The following USP14 variants were observed in gnomAD, a reference collection of about 807,000 sequenced individuals.
USP14 encodes ubiquitin specific peptidase 14.
USP14 carries 38 observed loss-of-function variants against 76.5 expected under a neutral mutation model. The observed-to-expected ratio is 0.50, with a 90% CI of 0.38 to 0.65. USP14 has a LOEUF of 0.65. Among genes scored for constraint, USP14 ranks in the 30% least tolerant of loss-of-function variants. The pLI is 0.00. For missense variants in USP14, 467 were observed against 586.5 expected (o/e 0.80, Z 2.10); for synonymous variants, 192 against 191.7 (o/e 1.00, Z -0.01).
chr18:205,681 T>A (rs892492376), intron 13 of USP14, among the ~76,000 whole-genome samples: 1 of 152,122 alleles, frequency 6.6e-6, no homozygotes, highest in African/African-American at 2.4e-5. Context: ...CTTGGGAGGC[T>A]GAGATGAGAG....
At chr18:172,239 AAAAAACG>A (rs1176345101) in intron 3 of USP14, among the ~76,000 whole-genome samples, 2 of 152,150 alleles carry the variant, frequency 1.3e-5, no homozygotes, top group Non-Finnish European at 2.9e-5. Context: ...CCCTGTATCT[AAAAAACG>A]AAAAAGAATA....
intron 4 of USP14, 84 bp downstream of exon 4, chr18:179,121 A>G (rs1232289337): frequency 8.7e-6 from 8 of 922,320 alleles, no homozygotes; most frequent in African/African-American, 1.7e-5. Context: ...TAGCATCTGA[A>G]TGTCTTGAAG....
At chr18:185,758 G>C (rs1022693618) in intron 5 of USP14, among the ~76,000 whole-genome samples, 27 of 151,698 alleles carry the variant, frequency 1.8e-4, no homozygotes, top group African/African-American at 6.1e-4. Context: ...GGAGTGGCAC[G>C]ATCACAGATC....
At chr18:201,615 C>T (rs1457697170) in intron 10 of USP14, among the ~76,000 whole-genome samples, 1 of 152,086 alleles carries the variant, frequency 6.6e-6, no homozygotes, top group East Asian at 1.9e-4. Flanking sequence ...TTCTTAACCC[C>T]CAGGAGCCAA....
intron 3 of USP14, among the ~76,000 whole-genome samples, chr18:167,289 G>C (rs749381492): frequency 2.0e-5 from 3 of 152,142 alleles, no homozygotes; most frequent in African/African-American, 4.8e-5. Context: ...TCCAAAAAAA[G>C]AGTCTTGAAA....
At position 214,372 on chromosome 18, in the gene USP14, T is replaced by TATAA. The variant is rs1229246221; in HGVS notation, c.*3092_*3095dup. Reference sequence around the variant, plus strand: ...CTAAATAGTGCTTATTTAACTTCATTATAAATACATCTACTTAACAAAAAA... The same window carrying TATAA: ...CTAAATAGTGCTTATTTAACTTCATTATAAATAAATACATCTACTTAACAAAAAA... On this transcript the variant is annotated 3_prime_UTR_variant, in exon 16 of 16. Transcript: ENST00000261601. 7 of 385,114 alleles carry TATAA rather than the reference T, an allele frequency of 1.8e-5. No individual in the cohort carries two copies. In the East Asian group the frequency reaches 1.9e-4, roughly 10 times the overall value. 23.9% of individuals were successfully genotyped at this position (385,114 alleles called of 1,614,324 possible).
intron 1 of USP14, among the ~76,000 whole-genome samples, chr18:162,310 C>G (rs947992202): frequency 6.6e-6 from 1 of 152,172 alleles, no homozygotes; most frequent in African/African-American, 2.4e-5. Context: ...TTATTCCCCC[C>G]AGCAGTGTAC....
At chr18:166,321 T>C (rs1909269447) in intron 2 of USP14, among the ~76,000 whole-genome samples, 1 of 152,150 alleles carries the variant, frequency 6.6e-6, no homozygotes, top group South Asian at 2.1e-4. Flanking sequence ...TAGTACCACT[T>C]GTGTTTAAAA....
At chr18:207,395 G>C (rs1451272552) in intron 13 of USP14, among the ~76,000 whole-genome samples, 1 of 145,180 alleles carries the variant, frequency 6.9e-6, no homozygotes, top group Non-Finnish European at 1.6e-5. Context: ...CAATTAAAAA[G>C]TATTACTATC....
chr18:165,108 G>C (rs556719514), intron 2 of USP14, among the ~76,000 whole-genome samples: 1 of 151,982 alleles, frequency 6.6e-6, no homozygotes, highest in South Asian at 2.1e-4. Flanking sequence ...ACCACCATGC[G>C]TGACAAATGT....
intron 1 of USP14, chr18:158,934 T>TG (rs931801033): frequency 3.5e-5 from 20 of 567,790 alleles, no homozygotes; most frequent in African/African-American, 5.9e-5. Context: ...CACCGATGGG[T>TG]GGGGGGAGTG....
At position 211,395 on chromosome 18, in the gene USP14, A is replaced by T. The variant is rs1394475629; in HGVS notation, c.*111A>T. On this transcript the variant is annotated 3_prime_UTR_variant, in exon 16 of 16. Coordinates refer to ENST00000261601, the MANE Select transcript of USP14 (RefSeq NM_005151.4). Reference sequence around the variant, plus strand: ...CATAGGTGGGTTTATGTTTCACCTCATTTGGAACAAAAGAGGACAGAAGCA... The same window carrying T: ...CATAGGTGGGTTTATGTTTCACCTCTTTTGGAACAAAAGAGGACAGAAGCA... 2 of 1,176,218 alleles carry T rather than the reference A, an allele frequency of 1.7e-6. No individual in the cohort carries two copies. Among genetic ancestry groups the T allele is most frequent in the Non-Finnish European group, 2.3e-6 (2 of 854,082 alleles). 72.9% of individuals were successfully genotyped at this position (1,176,218 alleles called of 1,614,324 possible).
chr18:187,216 T>G (rs1400302881), intron 5 of USP14, among the ~76,000 whole-genome samples: 1 of 152,226 alleles, frequency 6.6e-6, no homozygotes, highest in African/African-American at 2.4e-5. Flanking sequence ...TGATACACAT[T>G]GATCTTTTAT....
At chr18:200,826 G>A (rs1272547641) in intron 10 of USP14, among the ~76,000 whole-genome samples, 3 of 151,918 alleles carry the variant, frequency 2.0e-5, no homozygotes, top group Non-Finnish European at 4.4e-5. Flanking sequence ...TTTTGAGACG[G>A]AGTCTCTCTC....
At chr18:160,518 C>T (rs1909087271) in intron 1 of USP14, among the ~76,000 whole-genome samples, 3 of 152,158 alleles carry the variant, frequency 2.0e-5, no homozygotes, top group African/African-American at 7.2e-5. Context: ...GCAAGACCCC[C>T]GTCTCTAAAA....
intron 5 of USP14, among the ~76,000 whole-genome samples, chr18:186,716 C>A (rs975076392): frequency 4.6e-5 from 7 of 151,954 alleles, no homozygotes; most frequent in African/African-American, 1.7e-4. Context: ...TGCACCACTG[C>A]ACTCCAGCCT....
intron 5 of USP14, 51 bp from the exon 6 acceptor site, chr18:192,791 G>A (rs368034676): frequency 8.9e-6 from 14 of 1,566,790 alleles, no homozygotes; most frequent in Non-Finnish European, 1.2e-5. Context: ...TCCCATTTGA[G>A]TGTTAGAATG....
Position 211,392 on chromosome 18 carries a change from C to G in USP14, c.*108C>G. 3 of 1,227,978 alleles carry G rather than the reference C, an allele frequency of 2.4e-6. No homozygotes were observed. The highest frequency in any genetic ancestry group is 2.2e-6 in the Non-Finnish European group (2 of 898,436). The allele number at this position is 1,227,978 out of a possible 1,614,324, so 76.1% of individuals were successfully genotyped here. On this transcript the variant is annotated 3_prime_UTR_variant, in exon 16 of 16. Transcript: ENST00000261601. ...ACACATAGGTGGGTTTATGTTTCAC[C>G]TCATTTGGAACAAAAGAGGACAGAA...
rs190964972 is a variant in USP14 at position 165,756 on chromosome 18, C to T, written c.163-1031C>T. Among the ~76,000 whole-genome samples, 9 of 152,130 alleles carry T rather than the reference C, an allele frequency of 5.9e-5. No individual in the cohort carries two copies. The East Asian group carries it at 1.5e-3, about 26-fold the overall frequency. Reference sequence around the variant, plus strand: ...ACCTTGGGTAAGTGATCTTAGGGGGCATTTATAGTTATCATTCATTATGTT... The same window carrying T: ...ACCTTGGGTAAGTGATCTTAGGGGGTATTTATAGTTATCATTCATTATGTT... On this transcript the variant is annotated intron_variant, in intron 2 of 15. Transcript: ENST00000261601.
Sources: allele counts gnomAD v4.1 joint callset (sites outside exome capture counted in the v4.1 genomes callset), GRCh38; gene constraint gnomAD v4.1.1; transcripts MANE v1.5; gene names NCBI Gene and HGNC (gene_info 2026-07-23, HGNC 2026-07-21).